PHKA2: variants seen among roughly 807,000 people sequenced by gnomAD.
PHKA2 encodes the protein phosphorylase b kinase regulatory subunit alpha, liver isoform.
In PHKA2, 31 loss-of-function variants were observed where a neutral mutation model predicts 102.0. The observed-to-expected ratio is 0.30, with a 90% confidence interval of 0.23 to 0.41. The LOEUF (loss-of-function observed/expected upper bound fraction) is 0.41. PHKA2 is among the 10% of genes least tolerant of loss of function. The pLI, the probability that PHKA2 is intolerant of heterozygous loss-of-function variation, is 1.00. For missense variants in PHKA2, 858 were observed against 1,023.1 expected (o/e 0.84, Z 2.20); for synonymous variants, 455 against 416.2 (o/e 1.09, Z -1.13).
chrX:18,940,708 G>A (rs772795190), intron 8 of PHKA2, among the ~76,000 whole-genome samples: 2 of 111,935 alleles, frequency 1.8e-5, no homozygotes, highest in African/African-American at 6.5e-5. Context: ...TGTGGAGGCT[G>A]CTACAGCAGA....
chrX:18,968,198 G>C (rs1005143010), intron 1 of PHKA2, among the ~76,000 whole-genome samples: 5 of 111,394 alleles, frequency 4.5e-5, no homozygotes, highest in Non-Finnish European at 9.4e-5. Context: ...TTTGAGACCA[G>C]CCTTGGCAAA....
Position 18,920,472 on chromosome X carries a change from C to T in PHKA2, c.1794-271G>A, listed in dbSNP as rs188784329. Among the ~76,000 whole-genome samples, 6 of 112,639 alleles carry T rather than the reference C, an allele frequency of 5.3e-5. No individual in the cohort carries two copies. In the East Asian group the frequency reaches 1.1e-3, roughly 21 times the overall value. On this transcript the variant is annotated intron_variant, in intron 17 of 32. Coordinates refer to ENST00000379942, the MANE Select transcript of PHKA2 (RefSeq NM_000292.3). Reference sequence around the variant, plus strand: ...CCAACACAAATACGACTCTATTTTACTGAACCAACCAACAGTTTGACAAAA... The same window carrying T: ...CCAACACAAATACGACTCTATTTTATTGAACCAACCAACAGTTTGACAAAA...
At chrX:18,950,751 C>T (rs2048668741) in intron 4 of PHKA2, among the ~76,000 whole-genome samples, 2 of 112,476 alleles carry the variant, frequency 1.8e-5, no homozygotes, top group African/African-American at 6.5e-5. Context: ...GAGGACTCCT[C>T]CCATCCTACA....
At chrX:18,936,173 A>G in intron 10 of PHKA2, 23 bp from the exon 11 acceptor site, 1 of 1,065,096 alleles carries the variant, frequency 9.4e-7, no homozygotes, top group Non-Finnish European at 1.3e-6. Context: ...CCCATCATCC[A>G]TGGCAGGAAG....
chrX:18,958,251 C>T (rs771011350), intron 1 of PHKA2, among the ~76,000 whole-genome samples: 1 of 111,875 alleles, frequency 8.9e-6, no homozygotes, highest in African/African-American at 3.2e-5. Flanking sequence ...CTATGAGGTC[C>T]CTCCATGTCA....
intron 7 of PHKA2, among the ~76,000 whole-genome samples, chrX:18,943,038 C>T (rs180810279): frequency 9.0e-6 from 1 of 110,772 alleles, no homozygotes; most frequent in Admixed American, 9.6e-5. Flanking sequence ...GGTTTCTCTG[C>T]CTGGAAACAC....
chrX:18,896,878 C>T (rs984506049), intron 30 of PHKA2, among the ~76,000 whole-genome samples: 5 of 112,004 alleles, frequency 4.5e-5, no homozygotes, highest in Admixed American at 1.9e-4. Context: ...CTGCCTCCCA[C>T]GGGATGTTTG....
Position 18,941,293 on chromosome X carries a change from G to A in PHKA2, c.864+236C>T, listed in dbSNP as rs748942634. On this transcript the variant is annotated intron_variant, in intron 8 of 32. Transcript: ENST00000379942. ...GCTCTGCCTTAGAAGTATGGTACTG[G>A]TACAAACTGGGGTTCAAAGGTGCCT... 3.6e-5 allele frequency among the ~76,000 whole-genome samples: 4 copies of A among 111,617 alleles called. No homozygotes were observed. The Admixed American group carries it at 3.8e-4, about 11-fold the overall frequency.
At chrX:18,949,639 C>T (rs368839683) in intron 4 of PHKA2, among the ~76,000 whole-genome samples, 1 of 112,012 alleles carries the variant, frequency 8.9e-6, no homozygotes, top group African/African-American at 3.2e-5. Context: ...TGTTATATCA[C>T]GGGAGAAGTG....
At chrX:18,903,742 C>T (rs1249506224) in intron 26 of PHKA2, among the ~76,000 whole-genome samples, 1 of 112,079 alleles carries the variant, frequency 8.9e-6, no homozygotes, top group Non-Finnish European at 1.9e-5. Flanking sequence ...CCTATCGCAC[C>T]AGCCTCGGGG....
intron 1 of PHKA2, among the ~76,000 whole-genome samples, chrX:18,955,959 C>T (rs188099397): frequency 1.8e-5 from 2 of 112,395 alleles, no homozygotes; most frequent in African/African-American, 3.2e-5. Flanking sequence ...GAATTGAAAC[C>T]TAGGAATGAC....
chrX:18,953,475 C>CA (rs1223274812), intron 2 of PHKA2, among the ~76,000 whole-genome samples: 1 of 112,077 alleles, frequency 8.9e-6, no homozygotes, highest in Non-Finnish European at 1.9e-5. Context: ...AGGGAAGTTT[C>CA]AAAAATATTT....
In PHKA2 at chrX:18,901,007, A is replaced by AT. The variant is rs747588302; in HGVS notation, c.3028-309dup. On this transcript the variant is annotated intron_variant, in intron 27 of 32. Transcript: ENST00000379942. ...GGCCCTGTGCGGTCAGTTCAAAAGG[A>AT]TTTTTTTTTTTTTTTTTTTTACCAG... Among the ~76,000 whole-genome samples, 5,730 of 90,891 alleles carry AT rather than the reference A, an allele frequency of 0.063. 396 individuals are homozygous for AT. The highest frequency in any genetic ancestry group is 0.19 in the African/African-American group (4,590 of 24,666). The allele number at this position is 90,891 out of a possible 115,157, so 78.9% of individuals were successfully genotyped here.
In PHKA2 at chrX:18,983,945, C is replaced by A. The variant is rs1206005162; in HGVS notation, c.-13G>T. ...TCCTGCTCCGCATCTCCCCGAGGCT[C>A]CCAGGCCGCAGCGCCCGATCTGCCG... On this transcript the variant is annotated 5_prime_UTR_variant, in exon 1 of 33. Coordinates refer to ENST00000379942, the MANE Select transcript of PHKA2 (RefSeq NM_000292.3). The A allele has an allele frequency of 5.8e-6, 7 of 1,200,873 alleles. No individual in the cohort carries two copies. The highest frequency in any genetic ancestry group is 7.9e-6 in the Non-Finnish European group (7 of 886,014).
At chrX:18,955,368 CTAG>C (rs1200106244) in intron 1 of PHKA2, among the ~76,000 whole-genome samples, 4 of 98,414 alleles carry the variant, frequency 4.1e-5, no homozygotes, top group Non-Finnish European at 7.8e-5. Flanking sequence ...TCAGTGGCTG[CTAG>C]TAGTTTTTTT....
chrX:18,917,811 A>G (rs1467178850), intron 19 of PHKA2, among the ~76,000 whole-genome samples: 2 of 110,798 alleles, frequency 1.8e-5, no homozygotes, highest in Non-Finnish European at 1.9e-5. Context: ...CAGGGTAAAA[A>G]GCACCTCAGA....
chrX:18,958,034 A>G (rs1461879909), intron 1 of PHKA2, among the ~76,000 whole-genome samples: 2 of 110,224 alleles, frequency 1.8e-5, no homozygotes, highest in African/African-American at 6.6e-5. Flanking sequence ...TAATTTTTGC[A>G]TTTTTAGTAG....
intron 1 of PHKA2, among the ~76,000 whole-genome samples, chrX:18,961,484 C>G (rs1441297319): frequency 9.2e-6 from 1 of 108,757 alleles, no homozygotes; most frequent in African/African-American, 3.4e-5. Flanking sequence ...ATGGTGAAAC[C>G]CTGTCTCTAC....
At chrX:18,966,229 AG>A (rs1360196609) in intron 1 of PHKA2, among the ~76,000 whole-genome samples, 2 of 108,583 alleles carry the variant, frequency 1.8e-5, no homozygotes, top group Non-Finnish European at 3.8e-5. Flanking sequence ...CTGGGATTAC[AG>A]GTGTGCGACA....
Sources: gnomAD v4.1 joint callset for allele counts (sites outside exome capture counted in the v4.1 genomes callset) on GRCh38, gnomAD v4.1.1 for gene constraint, MANE v1.5 for transcripts, NCBI Gene and HGNC (gene_info 2026-07-23, HGNC 2026-07-21) for gene names.